WWOX: variants seen among roughly 807,000 people sequenced by gnomAD.
The protein encoded by WWOX is WW domain-containing oxidoreductase.
A neutral mutation model predicts 46.2 loss-of-function variants in WWOX; 69 were observed. The observed-to-expected ratio is 1.49, with a 90% CI of 1.23 to 1.82. The LOEUF is 1.82. Among genes scored for constraint, WWOX ranks in the 40% most tolerant of loss-of-function variants. The pLI is 0.00. For missense variants in WWOX, 919 were observed against 542.6 expected (o/e 1.69, Z -6.89); for synonymous variants, 359 against 202.6 (o/e 1.77, Z -6.56).
chr16:78,543,048 G>A (rs2043935813), intron 8 of WWOX, among the ~76,000 whole-genome samples: 1 of 152,224 alleles, frequency 6.6e-6, no homozygotes, highest in African/African-American at 2.4e-5. Flanking sequence ...GAAGGGCATA[G>A]TACACATATT....
rs1005124341 is a variant in WWOX at position 78,442,537 on chromosome 16, G to T, written c.1056+9785G>T. Among the ~76,000 whole-genome samples the T allele has an allele frequency of 2.6e-5, 4 of 152,064 alleles. No homozygotes were observed. In the South Asian group the frequency reaches 6.2e-4, roughly 24 times the overall value. Reference sequence around the variant, plus strand: ...GCTTTAAATTCCACACAAAAAGTGAGATCATAGAGTATTTGTCTTTCTGCG... The same window carrying T: ...GCTTTAAATTCCACACAAAAAGTGATATCATAGAGTATTTGTCTTTCTGCG... On this transcript the variant is annotated intron_variant, in intron 8 of 8. Transcript: ENST00000566780.
intron 8 of WWOX, chr16:78,495,778 G>GATA (rs2084903559): frequency 6.6e-6 from 1 of 152,252 alleles, no homozygotes; most frequent in East Asian, 1.9e-4. Flanking sequence ...AAAGTGCTGG[G>GATA]ATTATAGGTG....
intron 8 of WWOX, among the ~76,000 whole-genome samples, chr16:78,635,248 T>G (rs540220083): frequency 2.0e-5 from 3 of 152,260 alleles, no homozygotes; most frequent in Admixed American, 1.3e-4. Context: ...ACCCTTTCAA[T>G]CTAAACCTTA....
intron 5 of WWOX, among the ~76,000 whole-genome samples, chr16:78,194,333 A>G (rs1157921988): frequency 1.3e-5 from 2 of 151,572 alleles, no homozygotes; most frequent in East Asian, 2.0e-4. Flanking sequence ...CACACCTGTA[A>G]TCTCTGCAAT....
intron 8 of WWOX, among the ~76,000 whole-genome samples, chr16:78,680,817 C>G (rs1359873460): frequency 1.3e-5 from 2 of 152,042 alleles, no homozygotes; most frequent in African/African-American, 4.8e-5. Context: ...ATGGTTAAAG[C>G]TTAGTTTTAT....
At chr16:78,453,829 A>G (rs748569416) in intron 8 of WWOX, among the ~76,000 whole-genome samples, 2 of 143,130 alleles carry the variant, frequency 1.4e-5, no homozygotes, top group African/African-American at 5.8e-5. Context: ...TTTTACCAAA[A>G]CCATTTTTTT....
chr16:79,209,705 G>C (rs1340797157), intron 8 of WWOX, among the ~76,000 whole-genome samples: 4 of 152,138 alleles, frequency 2.6e-5, no homozygotes, highest in Non-Finnish European at 5.9e-5. Flanking sequence ...AATAATACTT[G>C]GCTTGAGTTA....
At chr16:78,741,587 G>A (rs142215841) in intron 8 of WWOX, among the ~76,000 whole-genome samples, 1,672 of 151,996 alleles carry the variant, frequency 0.011, 35 homozygotes, top group African/African-American at 0.038. Context: ...GGGCACAGTG[G>A]CTCATGCCTG....
intron 8 of WWOX, among the ~76,000 whole-genome samples, chr16:78,620,536 T>G (rs2046153879): frequency 6.6e-6 from 1 of 152,104 alleles, no homozygotes; most frequent in African/African-American, 2.4e-5. Flanking sequence ...CACTAGATAG[T>G]GGGTAGGGTG....
At chr16:78,534,687 T>C (rs1597226266) in intron 8 of WWOX, 1 of 152,304 alleles carries the variant, frequency 6.6e-6, no homozygotes, top group Non-Finnish European at 1.5e-5. Context: ...TGTCCTGCAA[T>C]ATTGCTTTAC....
intron 8 of WWOX, among the ~76,000 whole-genome samples, chr16:79,129,183 A>C (rs79314300): frequency 1.3e-5 from 2 of 151,888 alleles, no homozygotes; most frequent in East Asian, 3.9e-4. Context: ...TTCATCAAGT[A>C]TCAAGACAAG....
chr16:78,320,322 C>A, intron 5 of WWOX, among the ~76,000 whole-genome samples: 1 of 152,110 alleles, frequency 6.6e-6, no homozygotes, highest in East Asian at 1.9e-4. Flanking sequence ...TTATCCCCTT[C>A]GGTGTAGGTT....
intron 8 of WWOX, among the ~76,000 whole-genome samples, chr16:78,885,035 T>A (rs1379397656): frequency 6.6e-6 from 1 of 152,194 alleles, no homozygotes; most frequent in Non-Finnish European, 1.5e-5. Context: ...CACTGTGCAG[T>A]GTTTCGTTCT....
chr16:78,417,006 G>A (rs762442079), intron 6 of WWOX, among the ~76,000 whole-genome samples: 7 of 148,688 alleles, frequency 4.7e-5, no homozygotes, highest in Non-Finnish European at 1.0e-4. Flanking sequence ...AGAAGGTATT[G>A]TGCAGTAGCC....
chr16:78,438,101 C>A (rs769350357), intron 8 of WWOX, among the ~76,000 whole-genome samples: 1 of 152,180 alleles, frequency 6.6e-6, no homozygotes, highest in Non-Finnish European at 1.5e-5. Context: ...TCCTACCACA[C>A]TTCCAAATAG....
At chr16:78,888,885 A>G (rs912460532) in intron 8 of WWOX, among the ~76,000 whole-genome samples, 3 of 151,768 alleles carry the variant, frequency 2.0e-5, no homozygotes, top group African/African-American at 7.3e-5. Context: ...TACTCGATCT[A>G]ATTTCTCTTC....
chr16:78,312,881 A>C (rs538099824), intron 5 of WWOX, among the ~76,000 whole-genome samples: 1 of 152,142 alleles, frequency 6.6e-6, no homozygotes, highest in African/African-American at 2.4e-5. Context: ...GCAGGGCCTC[A>C]CTTCCCACTG....
At chr16:78,549,267 C>A (rs565554864) in intron 8 of WWOX, among the ~76,000 whole-genome samples, 1 of 152,312 alleles carries the variant, frequency 6.6e-6, no homozygotes, top group South Asian at 2.1e-4. Flanking sequence ...ATTCATTCTT[C>A]ACGTCTCAGA....
chr16:78,578,026 C>G (rs1354384081), intron 8 of WWOX, among the ~76,000 whole-genome samples: 1 of 151,816 alleles, frequency 6.6e-6, no homozygotes, highest in Non-Finnish European at 1.5e-5. Context: ...AAGTATACCG[C>G]CATTGTTCTT....
Sources: gnomAD v4.1 joint callset for allele counts (sites outside exome capture counted in the v4.1 genomes callset) on GRCh38, gnomAD v4.1.1 for gene constraint, MANE v1.5 for transcripts, NCBI Gene and HGNC (gene_info 2026-07-23, HGNC 2026-07-21) for gene names.